The following SRGAP3 variants were observed in gnomAD, a reference collection of about 807,000 sequenced individuals.
SRGAP3 encodes the protein SLIT-ROBO Rho GTPase activating protein 3, also known as SLIT-ROBO Rho GTPase-activating protein 3.
In SRGAP3, 39 loss-of-function variants were observed where a neutral mutation model predicts 121.1. The observed-to-expected ratio is 0.32, with a 90% CI of 0.25 to 0.42. SRGAP3 has a LOEUF of 0.42. SRGAP3 is among the 10% of genes least tolerant of loss of function. The pLI is 1.00. For synonymous variants in SRGAP3, 601 were observed against 570.0 expected (o/e 1.05, Z -0.77); for missense variants, 1,213 against 1,470.6 (o/e 0.82, Z 2.86).
At chr3:9,038,624 C>T (rs1463347694) in intron 10 of SRGAP3, among the ~76,000 whole-genome samples, 1 of 152,210 alleles carries the variant, frequency 6.6e-6, no homozygotes, top group Non-Finnish European at 1.5e-5. Flanking sequence ...CCTGCCTCTG[C>T]CTTCATTCCC....
intron 3 of SRGAP3, among the ~76,000 whole-genome samples, chr3:9,092,718 T>C (rs1367489254): frequency 6.6e-6 from 1 of 152,182 alleles, no homozygotes; most frequent in African/African-American, 2.4e-5. Context: ...AGAAAGCATA[T>C]TGATATTTAC....
At chr3:9,057,567 CGGGTGGCCCAGCTGAGCCTCACT>C (rs1945886147) in intron 7 of SRGAP3, among the ~76,000 whole-genome samples, 1 of 152,162 alleles carries the variant, frequency 6.6e-6, no homozygotes, top group Admixed American at 6.5e-5. Flanking sequence ...GCAGGTGCCA[CGGGTGGCCCAGCTGAGCCTCACT>C]GGGACCCAGA....
rs780341328 is a variant in SRGAP3 at position 9,038,074 on chromosome 3, G to A, written c.1425C>T (p.Cys475=). Residue 475 remains cysteine (C), a synonymous_variant, in exon 11 of 22, where the codon TGC becomes TGT. Coordinates refer to ENST00000383836, the MANE Select transcript of SRGAP3 (RefSeq NM_014850.4). The part of the protein sequence containing the change: ...QTLGEGERAE[C]GTTRPPCLPP... ...TCTCCCACTCTCACCTGGTGGTGCC[G>A]CATTCTGCTCTTTCCCCTGCAAAGA... 1.4e-5 allele frequency: 23 copies of A among 1,613,948 alleles called. No homozygotes were observed. Among genetic ancestry groups the A allele is most frequent in the African/African-American group, 2.7e-5 (2 of 74,926 alleles).
At chr3:9,091,326 T>A (rs1947747718) in intron 3 of SRGAP3, among the ~76,000 whole-genome samples, 1 of 152,060 alleles carries the variant, frequency 6.6e-6, no homozygotes, top group Non-Finnish European at 1.5e-5. Flanking sequence ...GGACATTTCA[T>A]GATTTTCCTA....
chr3:9,269,803 T>C (rs567142774), intron 3 of SRGAP3, among the ~76,000 whole-genome samples: 24 of 152,208 alleles, frequency 1.6e-4, no homozygotes, highest in African/African-American at 5.8e-4. Context: ...TCATTACCTG[T>C]CATGGCATAG....
intron 1 of SRGAP3, chr3:9,193,602 C>T (rs1301131778): frequency 6.6e-6 from 1 of 152,272 alleles, no homozygotes; most frequent in African/African-American, 2.4e-5. Flanking sequence ...GGACTAAGAT[C>T]CCTGTGACAC....
chr3:9,038,986 T>C (rs1944899096), intron 10 of SRGAP3, among the ~76,000 whole-genome samples: 1 of 152,138 alleles, frequency 6.6e-6, no homozygotes, highest in South Asian at 2.1e-4. Context: ...GAAGGAGATG[T>C]CTGGAGGCAC....
intron 10 of SRGAP3, among the ~76,000 whole-genome samples, chr3:9,040,657 G>A (rs1944970530): frequency 6.6e-6 from 1 of 152,042 alleles, no homozygotes; most frequent in African/African-American, 2.4e-5. Context: ...TCAGTCTCCT[G>A]GGCTCAAGCA....
At chr3:9,200,743 A>C (rs1388696472) in intron 1 of SRGAP3, among the ~76,000 whole-genome samples, 10 of 152,214 alleles carry the variant, frequency 6.6e-5, no homozygotes. Flanking sequence ...AAGACCACGT[A>C]CATCAATATT....
At position 9,361,329 on chromosome 3, in the gene SRGAP3, T is replaced by A. The variant is rs578157146; in HGVS notation, n.214+1511A>T. Among the ~76,000 whole-genome samples, 239 of 152,216 alleles carry A rather than the reference T, an allele frequency of 1.6e-3. 2 individuals are homozygous for A. The highest frequency in any genetic ancestry group is 2.7e-3 in the Non-Finnish European group (181 of 68,016). ...CATGTTGCCAGAGCTAGTCTCAAACTCTGAGCTCAAGCGAGCCACTCACCT... is the reference window on the plus strand; with the variant it reads ...CATGTTGCCAGAGCTAGTCTCAAACACTGAGCTCAAGCGAGCCACTCACCT... On this transcript the variant is annotated intron_variant and non_coding_transcript_variant, in intron 1 of 3. Coordinates refer to the SRGAP3 transcript ENST00000490889.
chr3:9,002,986 T>C (rs1483542052), intron 18 of SRGAP3, among the ~76,000 whole-genome samples: 1 of 152,210 alleles, frequency 6.6e-6, no homozygotes, highest in Non-Finnish European at 1.5e-5. Flanking sequence ...GGCTACATTG[T>C]TGAATTCTAC....
At chr3:9,202,579 C>A (rs1952104345) in intron 1 of SRGAP3, among the ~76,000 whole-genome samples, 1 of 152,236 alleles carries the variant, frequency 6.6e-6, no homozygotes, top group Admixed American at 6.5e-5. Flanking sequence ...TGCCAAGGCA[C>A]AGACCTCCAC....
chr3:9,347,083 C>T (rs1263880548), intron 1 of SRGAP3, among the ~76,000 whole-genome samples: 1 of 152,122 alleles, frequency 6.6e-6, no homozygotes, highest in African/African-American at 2.4e-5. Context: ...CATGAGCCAC[C>T]GTGCCCAGCC....
At chr3:9,195,621 C>T (rs1415463447) in intron 1 of SRGAP3, among the ~76,000 whole-genome samples, 1 of 152,114 alleles carries the variant, frequency 6.6e-6, no homozygotes, top group Admixed American at 6.5e-5. Flanking sequence ...CACCAATAAA[C>T]AGCATGCACC....
At chr3:9,312,195 C>A (rs751673653) in intron 3 of SRGAP3, among the ~76,000 whole-genome samples, 1 of 152,112 alleles carries the variant, frequency 6.6e-6, no homozygotes, top group Non-Finnish European at 1.5e-5. Context: ...TGCTCTGTCG[C>A]CCAGCCTGGA....
intron 3 of SRGAP3, among the ~76,000 whole-genome samples, chr3:9,103,076 T>C (rs556451831): frequency 3.9e-5 from 6 of 152,324 alleles, no homozygotes; most frequent in African/African-American, 1.4e-4. Context: ...ATATGAAACT[T>C]AGCCCACATT....
intron 1 of SRGAP3, among the ~76,000 whole-genome samples, chr3:9,148,207 C>T (rs1181290363): frequency 4.6e-5 from 7 of 152,064 alleles, no homozygotes; most frequent in Non-Finnish European, 8.8e-5. Flanking sequence ...GCGGAGATGC[C>T]TGCCTCTCCT....
At chr3:9,257,042 A>G (rs1268301739) in intron 3 of SRGAP3, 4 of 394,346 alleles carry the variant, frequency 1.0e-5, no homozygotes, top group Admixed American at 4.4e-5. Flanking sequence ...CCATCTGTCT[A>G]CATTCTTTAT....
At chr3:9,075,315 C>T (rs965775778) in intron 4 of SRGAP3, among the ~76,000 whole-genome samples, 1 of 152,108 alleles carries the variant, frequency 6.6e-6, no homozygotes, top group Non-Finnish European at 1.5e-5. Context: ...CATACAAGCA[C>T]GTGAATGTGC....
Sources: gnomAD v4.1 joint callset for allele counts (sites outside exome capture counted in the v4.1 genomes callset) on GRCh38, gnomAD v4.1.1 for gene constraint, MANE v1.5 for transcripts, NCBI Gene and HGNC (gene_info 2026-07-23, HGNC 2026-07-21) for gene names.